GRM8: variants seen among roughly 807,000 people sequenced by gnomAD.
GRM8 encodes metabotropic glutamate receptor 8.
Under a neutral mutation model 87.2 loss-of-function variants are expected in GRM8, and 47 were observed. The ratio of observed to expected loss-of-function variants is 0.54; its 90% CI spans 0.43 to 0.69. GRM8 has a LOEUF of 0.69. Among genes scored for constraint, GRM8 ranks in the 30% least tolerant of loss-of-function variants. The pLI, the probability that GRM8 is intolerant of heterozygous loss-of-function variation, is 0.00. For synonymous variants in GRM8, 396 were observed against 404.5 expected, an observed-to-expected ratio of 0.98 and a Z score of 0.25; for missense variants, 1,019 against 1,139.2, an observed-to-expected ratio of 0.89 and a Z score of 1.52.
chr7:126,488,876 A>C (rs1807673402), intron 9 of GRM8, among the ~76,000 whole-genome samples: 1 of 151,788 alleles, frequency 6.6e-6, no homozygotes, highest in Non-Finnish European at 1.5e-5. Flanking sequence ...TAGGTCACAA[A>C]TACACATGTG....
intron 3 of GRM8, among the ~76,000 whole-genome samples, chr7:127,009,075 T>C (rs1304634833): frequency 6.7e-6 from 1 of 148,464 alleles, no homozygotes; most frequent in Non-Finnish European, 1.5e-5. Context: ...ATGATCCAGT[T>C]TTTTTTTTTT....
chr7:126,677,229 G>C (rs1018380327), intron 7 of GRM8, among the ~76,000 whole-genome samples: 1 of 152,006 alleles, frequency 6.6e-6, no homozygotes, highest in African/African-American at 2.4e-5. Flanking sequence ...TAGTGAAAGG[G>C]AACACTTACA....
At chr7:126,587,087 C>T (rs1182535717) in intron 8 of GRM8, among the ~76,000 whole-genome samples, 2 of 152,182 alleles carry the variant, frequency 1.3e-5, no homozygotes, top group Non-Finnish European at 2.9e-5. Context: ...TGCTCATCAT[C>T]ACTGGTCATC....
intron 3 of GRM8, among the ~76,000 whole-genome samples, chr7:127,023,184 T>C (rs1001741164): frequency 6.6e-6 from 1 of 152,134 alleles, no homozygotes; most frequent in Non-Finnish European, 1.5e-5. Context: ...ACAGGTGTTT[T>C]TTCTTTATTT....
At chr7:126,826,552 A>G (rs1027935900) in intron 6 of GRM8, among the ~76,000 whole-genome samples, 9 of 151,896 alleles carry the variant, frequency 5.9e-5, no homozygotes, top group East Asian at 1.9e-4. Flanking sequence ...CCTTCGCCCA[A>G]TTTTTGATGG....
chr7:126,545,823 T>G (rs982712243), intron 8 of GRM8, among the ~76,000 whole-genome samples: 1 of 152,214 alleles, frequency 6.6e-6, no homozygotes, highest in Non-Finnish European at 1.5e-5. Flanking sequence ...GAATATTTCA[T>G]TTAATTATGT....
intron 6 of GRM8, among the ~76,000 whole-genome samples, chr7:126,830,053 A>G (rs921479218): frequency 4.6e-5 from 7 of 152,112 alleles, no homozygotes; most frequent in African/African-American, 1.7e-4. Flanking sequence ...TGGCTTGTAG[A>G]GTTTCTGCCG....
intron 8 of GRM8, among the ~76,000 whole-genome samples, chr7:126,550,674 A>G (rs1347857328): frequency 6.6e-6 from 1 of 152,100 alleles, no homozygotes; most frequent in Non-Finnish European, 1.5e-5. Flanking sequence ...ACAAATCTGT[A>G]CTTATAACAA....
At chr7:126,934,715 G>T (rs1240678254) in intron 3 of GRM8, among the ~76,000 whole-genome samples, 1 of 152,144 alleles carries the variant, frequency 6.6e-6, no homozygotes, top group African/African-American at 2.4e-5. Context: ...TTCTGAGAGA[G>T]TCTTTGCCTT....
chr7:127,024,355 G>T (rs1425976905), intron 3 of GRM8, among the ~76,000 whole-genome samples: 1 of 152,118 alleles, frequency 6.6e-6, no homozygotes, highest in Non-Finnish European at 1.5e-5. Context: ...GAGACAGAAA[G>T]ATTTGTCCAG....
intron 7 of GRM8, among the ~76,000 whole-genome samples, chr7:126,706,829 CAT>C (rs948538459): frequency 2.6e-5 from 4 of 152,166 alleles, no homozygotes; most frequent in Non-Finnish European, 5.9e-5. Context: ...GAATTCTTCA[CAT>C]GTTATTTTCA....
intron 3 of GRM8, among the ~76,000 whole-genome samples, chr7:127,059,665 T>C (rs17865203): frequency 7.2e-5 from 11 of 152,156 alleles, no homozygotes; most frequent in Non-Finnish European, 1.6e-4. Flanking sequence ...AGGTACTGAC[T>C]CACACTCATA....
At chr7:126,946,060 C>T (rs552823708) in intron 3 of GRM8, among the ~76,000 whole-genome samples, 18 of 152,298 alleles carry the variant, frequency 1.2e-4, no homozygotes, top group South Asian at 1.0e-3. Flanking sequence ...TGCATTCTTC[C>T]TTCTGATTCT....
At chr7:126,831,297 C>A (rs1458969372) in intron 6 of GRM8, among the ~76,000 whole-genome samples, 1 of 152,186 alleles carries the variant, frequency 6.6e-6, no homozygotes, top group Non-Finnish European at 1.5e-5. Context: ...CTGTGCCCTG[C>A]CCCCAGAGGT....
intron 7 of GRM8, among the ~76,000 whole-genome samples, chr7:126,609,758 A>G (rs1486880338): frequency 1.3e-4 from 20 of 152,248 alleles, no homozygotes; most frequent in Non-Finnish European, 5.9e-5. Context: ...AGCAATGCAC[A>G]TAACAGCTAA....
At chr7:127,052,851 C>T (rs190529575) in intron 3 of GRM8, among the ~76,000 whole-genome samples, 122 of 152,236 alleles carry the variant, frequency 8.0e-4, no homozygotes, top group Non-Finnish European at 1.4e-3. Context: ...TCCAAATAGG[C>T]TAGTTTGTAG....
intron 3 of GRM8, among the ~76,000 whole-genome samples, chr7:126,943,565 T>G (rs1057285394): frequency 1.3e-5 from 2 of 152,254 alleles, no homozygotes; most frequent in Non-Finnish European, 2.9e-5. Flanking sequence ...TTGTGGGACA[T>G]CTTCTCCATA....
At chr7:126,439,291 C>T in intron 10 of GRM8, 123 bp from the exon 11 acceptor site, 1 of 672,714 alleles carries the variant, frequency 1.5e-6, no homozygotes, top group Non-Finnish European at 2.7e-6. Context: ...CAGCATGTTA[C>T]TCATTATTTT....
chr7:126,790,046 C>A (rs1417458903), intron 6 of GRM8, among the ~76,000 whole-genome samples: 1 of 150,564 alleles, frequency 6.6e-6, no homozygotes, highest in Non-Finnish European at 1.5e-5. Context: ...TCGCTCTTGT[C>A]GCCCAGGCTG....
Sources: gnomAD v4.1 joint callset for allele counts (sites outside exome capture counted in the v4.1 genomes callset) on GRCh38, gnomAD v4.1.1 for gene constraint, MANE v1.5 for transcripts, NCBI Gene and HGNC (gene_info 2026-07-23, HGNC 2026-07-21) for gene names.